Variants in RYR3 observed in about 807,000 individuals in gnomAD.
RYR3 encodes the protein ryanodine receptor 3, also known as brain ryanodine receptor-calcium release channel.
In RYR3, 207 loss-of-function variants were observed where a neutral mutation model predicts 584.3. That is an observed-to-expected ratio of 0.35 (90% CI 0.32 to 0.40). The LOEUF is 0.40. Among genes scored for constraint, RYR3 ranks in the 10% least tolerant of loss-of-function variants. The probability of loss-of-function intolerance (pLI) is 1.00; values close to 1 mark genes in which losing one functional copy is unlikely to be tolerated. For missense variants in RYR3, 5,616 were observed against 6,089.2 expected, an observed-to-expected ratio of 0.92 and a Z score of 2.59; for synonymous variants, 2,416 against 2,248.5, an observed-to-expected ratio of 1.07 and a Z score of -2.11.
At chr15:33,540,749 A>G in intron 6 of RYR3, 42 bp from the exon 7 acceptor site, 1 of 1,245,002 alleles carries the variant, frequency 8.0e-7, no homozygotes, top group South Asian at 1.2e-5. Flanking sequence ...TCGGCACTGG[A>G]CTGGTGATTT....
At chr15:33,710,596 G>A (rs568096594) in intron 43 of RYR3, among the ~76,000 whole-genome samples, 22 of 152,068 alleles carry the variant, frequency 1.4e-4, no homozygotes, top group African/African-American at 3.4e-4. Context: ...CACATTTCCC[G>A]TCTGTACTGC....
At chr15:33,625,174 G>A (rs12592397) in intron 20 of RYR3, among the ~76,000 whole-genome samples, 14,181 of 152,174 alleles carry the variant, frequency 0.093, 1,017 homozygotes, top group East Asian at 0.42. Context: ...GAGAGAGAGC[G>A]AATGGGAAGT....
chr15:33,741,670 G>A (rs972233977), intron 51 of RYR3, among the ~76,000 whole-genome samples: 1 of 152,154 alleles, frequency 6.6e-6, no homozygotes, highest in Non-Finnish European at 1.5e-5. Flanking sequence ...CTGGAGTGCA[G>A]TGGTGCCATC....
chr15:33,695,549 C>A (rs887756081), intron 38 of RYR3, among the ~76,000 whole-genome samples: 5 of 151,898 alleles, frequency 3.3e-5, no homozygotes, highest in Non-Finnish European at 5.9e-5. Context: ...TGCCAAAGAT[C>A]CAGTGCAAAA....
At chr15:33,369,984 T>C (rs889039601) in intron 1 of RYR3, among the ~76,000 whole-genome samples, 2 of 152,216 alleles carry the variant, frequency 1.3e-5, no homozygotes, top group African/African-American at 4.8e-5. Context: ...ACATGGAAAA[T>C]GCTCATCAAT....
In RYR3 at chr15:33,642,409, G is replaced by A; in HGVS notation, c.3557-1902G>A. Among the ~76,000 whole-genome samples the A allele has an allele frequency of 1.3e-5, 2 of 152,184 alleles. 1 individual carries two copies. The highest frequency in any genetic ancestry group is 2.9e-5 in the Non-Finnish European group (2 of 68,038). ...TAAACCTATACTGGTGGTTTTCTTG[G>A]TCTAGTTACCTCCCTTAGTAGAATA... is the stretch of plus-strand genomic sequence containing the variant. On this transcript the variant is annotated intron_variant, in intron 27 of 103. Coordinates refer to ENST00000634891, the MANE Select transcript of RYR3 (RefSeq NM_001036.6).
rs1312792105 is a variant in RYR3, at chr15:33,635,820, G to A, written c.3381+1G>A. The stretch of plus-strand genomic sequence containing the variant: ...AGCCTTTGTGTTTGAAGGCAACAGG[G>A]TGAGTTTATATATCTAGCAAACACC... On this transcript the variant is annotated splice_donor_variant, in intron 26 of 103. Transcript: ENST00000634891. LOFTEE classifies it high-confidence loss of function. 2 of 1,609,770 alleles carry A rather than the reference G, an allele frequency of 1.2e-6. No individual in the cohort carries two copies. Among genetic ancestry groups the A allele is most frequent in the Non-Finnish European group, 1.7e-6 (2 of 1,179,058 alleles).
In RYR3 at chr15:33,450,758, G is replaced by C. The variant is rs187073311; in HGVS notation, c.52-22661G>C. On this transcript the variant is annotated intron_variant, in intron 1 of 103. Coordinates refer to ENST00000634891, the MANE Select transcript of RYR3 (RefSeq NM_001036.6). ...TGGGTTTTAGTCATCCCTAGTTCATGTGCATGTGCCGAGAAAAAGGGGAGC... is the reference window on the plus strand; with the variant it reads ...TGGGTTTTAGTCATCCCTAGTTCATCTGCATGTGCCGAGAAAAAGGGGAGC... Among the ~76,000 whole-genome samples the C allele has an allele frequency of 3.2e-4, 49 of 152,206 alleles. No individual in the cohort carries two copies. The East Asian group carries it at 8.7e-3, about 27-fold the overall frequency.
In RYR3 at chr15:33,449,477, A is replaced by G. The variant is rs377002167; in HGVS notation, c.52-23942A>G. 5.8e-4 allele frequency among the ~76,000 whole-genome samples: 89 copies of G among 152,344 alleles called. 3 individuals carry two copies. In the East Asian group the frequency reaches 8.1e-3, roughly 14 times the overall value. Reference sequence around the variant, plus strand: ...ATACTCACCGGGCAGGGATTGCACAAGGGTGTGAGCTCCAGGAGGCAGGAA... The same window carrying G: ...ATACTCACCGGGCAGGGATTGCACAGGGGTGTGAGCTCCAGGAGGCAGGAA... On this transcript the variant is annotated intron_variant, in intron 1 of 103. Coordinates refer to ENST00000634891, the MANE Select transcript of RYR3 (RefSeq NM_001036.6).
chr15:33,732,559 C>T (rs1010835006), intron 48 of RYR3, among the ~76,000 whole-genome samples: 4 of 152,136 alleles, frequency 2.6e-5, no homozygotes, highest in Admixed American at 1.3e-4. Flanking sequence ...CTTGGGTCTT[C>T]AGGAATCTAA....
At chr15:33,668,133 C>A (rs1342708648) in intron 36 of RYR3, among the ~76,000 whole-genome samples, 1 of 142,072 alleles carries the variant, frequency 7.0e-6, no homozygotes, top group African/African-American at 2.6e-5. Flanking sequence ...CCCCTCTCTA[C>A]TAAAAATACT....
chr15:33,595,526 G>A (rs2059329269), intron 16 of RYR3, among the ~76,000 whole-genome samples: 2 of 151,968 alleles, frequency 1.3e-5, no homozygotes, highest in South Asian at 2.1e-4. Flanking sequence ...TTCAAAATTG[G>A]CCCACCTTAC....
At position 33,816,948 on chromosome 15, in the gene RYR3, A is replaced by G; in HGVS notation, c.10589A>G (p.Gln3530Arg). 3 of 1,604,238 alleles carry G rather than the reference A, an allele frequency of 1.9e-6. No homozygotes were observed. The highest frequency in any genetic ancestry group is 2.6e-6 in the Non-Finnish European group (3 of 1,173,032). Reference sequence around the variant, plus strand: ...TATTCCTTTGAAGAGAAACTAGTACAGGATTTGGCTGTAAGTACTGACTCC... The same window carrying G: ...TATTCCTTTGAAGAGAAACTAGTACGGGATTTGGCTGTAAGTACTGACTCC... ...EEYSFEEKLVQDLAKSPKVEE... is the reference protein window; with the variant it reads ...EEYSFEEKLVRDLAKSPKVEE... Residue 3530 changes from glutamine (Q) to arginine (R), a missense_variant, in exon 75 of 104, where the codon CAG (glutamine) becomes CGG (arginine). By Grantham distance (43) the Gln-to-Arg change is conservative. This residue lies in a region of RYR3 where 954 missense variants were observed against 1,132.2 expected (regional missense o/e 0.84). Transcript: ENST00000634891.
intron 57 of RYR3, 122 bp downstream of exon 57, chr15:33,750,408 T>C: frequency 1.0e-6 from 1 of 982,892 alleles, no homozygotes; most frequent in Non-Finnish European, 1.5e-6. Context: ...TGAGAACATT[T>C]TTATTTTAGA....
At chr15:33,542,485 A>G (rs935321133) in intron 7 of RYR3, among the ~76,000 whole-genome samples, 1 of 152,172 alleles carries the variant, frequency 6.6e-6, no homozygotes, top group African/African-American at 2.4e-5. Flanking sequence ...AGGAGGTTAT[A>G]ACTCAGATTA....
At chr15:33,698,853 A>G (rs1025157852) in intron 40 of RYR3, among the ~76,000 whole-genome samples, 2 of 152,132 alleles carry the variant, frequency 1.3e-5, no homozygotes, top group Non-Finnish European at 2.9e-5. Context: ...CCTCTGTGAT[A>G]TTAAAGGAGG....
rs144788539 is a variant in RYR3 at position 33,554,987 on chromosome 15, A to G, written c.972+4671A>G. ...GCCACTTTAAATGACTACACCATACATCTTGAATGATTGGGATAGATTCTC... is the reference window on the plus strand; with the variant it reads ...GCCACTTTAAATGACTACACCATACGTCTTGAATGATTGGGATAGATTCTC... On this transcript the variant is annotated intron_variant, in intron 10 of 103. Transcript: ENST00000634891. Among the ~76,000 whole-genome samples, 123 of 152,340 alleles carry G rather than the reference A, an allele frequency of 8.1e-4. No individual in the cohort carries two copies. In the East Asian group the frequency reaches 0.02, roughly 24 times the overall value.
At chr15:33,407,733 G>A (rs1022066843) in intron 1 of RYR3, among the ~76,000 whole-genome samples, 1 of 152,166 alleles carries the variant, frequency 6.6e-6, no homozygotes, top group Non-Finnish European at 1.5e-5. Context: ...GGAAGAAAGT[G>A]AGTAAAGAGA....
In RYR3 at chr15:33,578,635, A is replaced by G. The variant is rs144256979; in HGVS notation, c.1269-1341A>G. On this transcript the variant is annotated intron_variant, in intron 12 of 103. Coordinates refer to ENST00000634891, the MANE Select transcript of RYR3 (RefSeq NM_001036.6). ...GGTGGGGGGTAGGAGGAGGCAGAGCATCAGGAAAAATAGCTAATGCATGCC... is the reference window on the plus strand; with the variant it reads ...GGTGGGGGGTAGGAGGAGGCAGAGCGTCAGGAAAAATAGCTAATGCATGCC... Among the ~76,000 whole-genome samples, 747 of 152,262 alleles carry G rather than the reference A, an allele frequency of 4.9e-3. 6 individuals are homozygous for G. The highest frequency in any genetic ancestry group is 0.013 in the African/African-American group (520 of 41,538).
Sources: gnomAD v4.1 joint callset for allele counts (sites outside exome capture counted in the v4.1 genomes callset) on GRCh38, gnomAD v4.1.1 for gene constraint, gnomAD v4.1.1 regional missense constraint, MANE v1.5 for transcripts, NCBI Gene and HGNC (gene_info 2026-07-23, HGNC 2026-07-21) for gene names.